GALNTL6: variants seen among roughly 807,000 people sequenced by gnomAD.
GALNTL6 encodes polypeptide N-acetylgalactosaminyltransferase-like 6.
In GALNTL6, 46 loss-of-function variants were observed where a neutral mutation model predicts 73.7. That is an observed-to-expected ratio of 0.62 (90% confidence interval 0.49 to 0.80). The LOEUF (loss-of-function observed/expected upper bound fraction) is 0.80. Ranked by LOEUF, GALNTL6 falls within the 30% of genes least tolerant of loss-of-function variation. The pLI is 0.00. For synonymous variants in GALNTL6, 259 were observed against 263.7 expected, an observed-to-expected ratio of 0.98 and a Z score of 0.17; for missense variants, 604 against 755.0, an observed-to-expected ratio of 0.80 and a Z score of 2.34.
chr4:172,117,156 A>C (rs1019182325), intron 2 of GALNTL6, among the ~76,000 whole-genome samples: 1 of 152,204 alleles, frequency 6.6e-6, no homozygotes, highest in Non-Finnish European at 1.5e-5. Flanking sequence ...GTAATAAACT[A>C]TCACACCAAC....
intron 5 of GALNTL6, among the ~76,000 whole-genome samples, chr4:172,664,976 C>T (rs1731580336): frequency 1.3e-5 from 2 of 152,168 alleles, no homozygotes; most frequent in Admixed American, 6.5e-5. Context: ...GAGACTCATA[C>T]AGTTTGAAAA....
intron 7 of GALNTL6, among the ~76,000 whole-genome samples, chr4:172,822,658 C>T (rs1741999488): frequency 6.6e-6 from 1 of 152,124 alleles, no homozygotes; most frequent in South Asian, 2.1e-4. Context: ...TGCCAACCAC[C>T]CCTAGACCTC....
At chr4:172,448,098 A>G (rs2111415210) in intron 5 of GALNTL6, among the ~76,000 whole-genome samples, 1 of 152,250 alleles carries the variant, frequency 6.6e-6, no homozygotes. Flanking sequence ...CTCTAGTCAT[A>G]TGCATGGTTA....
chr4:172,622,984 A>G (rs1324401463), intron 5 of GALNTL6, among the ~76,000 whole-genome samples: 1 of 152,212 alleles, frequency 6.6e-6, no homozygotes, highest in Non-Finnish European at 1.5e-5. Flanking sequence ...GTTCACTAAG[A>G]GATTTAAGTT....
chr4:172,650,365 G>A (rs183368783), intron 5 of GALNTL6, among the ~76,000 whole-genome samples: 169 of 152,246 alleles, frequency 1.1e-3, no homozygotes, highest in African/African-American at 3.6e-3. Context: ...AAGTCGCAAT[G>A]TCACTATTTA....
intron 2 of GALNTL6, among the ~76,000 whole-genome samples, chr4:172,148,014 T>G (rs537204553): frequency 2.5e-4 from 38 of 152,300 alleles, no homozygotes; most frequent in Non-Finnish European, 5.0e-4. Context: ...CATACTTTTT[T>G]CATGATGAAT....
At chr4:172,369,462 G>C (rs1382766657) in intron 5 of GALNTL6, among the ~76,000 whole-genome samples, 1 of 152,198 alleles carries the variant, frequency 6.6e-6, no homozygotes, top group East Asian at 1.9e-4. Context: ...CTGCCCATCA[G>C]TCCCACACTG....
At chr4:172,167,960 C>T (rs1173967299) in intron 2 of GALNTL6, among the ~76,000 whole-genome samples, 12 of 119,684 alleles carry the variant, frequency 1.0e-4, no homozygotes, top group Admixed American at 3.5e-4. Context: ...AGCGAGACTC[C>T]GTCTCAAAAA....
intron 5 of GALNTL6, among the ~76,000 whole-genome samples, chr4:172,636,372 C>T (rs537826834): frequency 6.6e-6 from 1 of 152,272 alleles, no homozygotes; most frequent in East Asian, 1.9e-4. Flanking sequence ...TGTCCTAATT[C>T]CCAGACCTCC....
At chr4:172,951,931 G>T in intron 9 of GALNTL6, 106 bp from the exon 10 acceptor site, 1 of 830,592 alleles carries the variant, frequency 1.2e-6, no homozygotes. Context: ...GGCTGCCTGA[G>T]GTTGCCGCTA....
intron 2 of GALNTL6, among the ~76,000 whole-genome samples, chr4:171,895,917 AAC>A (rs1335874000): frequency 6.6e-6 from 1 of 152,040 alleles, no homozygotes; most frequent in African/African-American, 2.4e-5. Flanking sequence ...TGAAAAAAAA[AAC>A]AGAAAACAAA....
intron 8 of GALNTL6, among the ~76,000 whole-genome samples, chr4:172,896,947 G>A (rs758960866): frequency 6.6e-6 from 1 of 152,110 alleles, no homozygotes; most frequent in Non-Finnish European, 1.5e-5. Flanking sequence ...ACCTCTCCCA[G>A]CAGGTCCCTG....
chr4:172,719,651 AT>A (rs1735332111), intron 5 of GALNTL6, among the ~76,000 whole-genome samples: 1 of 152,158 alleles, frequency 6.6e-6, no homozygotes. Context: ...TATAAGATAT[AT>A]TTTATGTAAT....
chr4:171,995,758 A>G (rs920765582), intron 2 of GALNTL6, among the ~76,000 whole-genome samples: 1 of 152,160 alleles, frequency 6.6e-6, no homozygotes, highest in African/African-American at 2.4e-5. Context: ...TAAAAAATAG[A>G]ACTGTAACAA....
At chr4:172,340,030 G>A (rs1741505361) in intron 4 of GALNTL6, among the ~76,000 whole-genome samples, 1 of 152,132 alleles carries the variant, frequency 6.6e-6, no homozygotes, top group Non-Finnish European at 1.5e-5. Context: ...ATAATCCTAT[G>A]TTGAATAGGA....
At chr4:172,252,752 C>G (rs868003582) in intron 3 of GALNTL6, among the ~76,000 whole-genome samples, 2 of 151,956 alleles carry the variant, frequency 1.3e-5, no homozygotes, top group Middle Eastern at 3.4e-3. Flanking sequence ...GAAGATTTCT[C>G]AATGTAACAT....
chr4:172,871,968 T>C (rs1744968991), intron 7 of GALNTL6, among the ~76,000 whole-genome samples: 1 of 152,132 alleles, frequency 6.6e-6, no homozygotes, highest in Non-Finnish European at 1.5e-5. Flanking sequence ...TAATATTGTA[T>C]TTTTAGTAGA....
intron 10 of GALNTL6, among the ~76,000 whole-genome samples, chr4:172,958,546 G>A (rs578182187): frequency 1.2e-4 from 18 of 152,286 alleles, no homozygotes; most frequent in African/African-American, 3.4e-4. Flanking sequence ...ATCTAAAGTC[G>A]AAAGTATCCA....
chr4:172,094,953 T>C (rs959774226), intron 2 of GALNTL6, among the ~76,000 whole-genome samples: 15 of 151,878 alleles, frequency 9.9e-5, no homozygotes, highest in African/African-American at 3.6e-4. Flanking sequence ...TTTTTGTTTT[T>C]TGTTTTTTTT....
Sources: gnomAD v4.1 joint callset for allele counts (sites outside exome capture counted in the v4.1 genomes callset) on GRCh38, gnomAD v4.1.1 for gene constraint, MANE v1.5 for transcripts, NCBI Gene and HGNC (gene_info 2026-07-23, HGNC 2026-07-21) for gene names.